FGD6: variants seen among roughly 807,000 people sequenced by gnomAD.
FGD6 encodes the protein FYVE, RhoGEF and PH domain containing 6.
In FGD6, 90 loss-of-function variants were observed where a neutral mutation model predicts 149.4. That is an observed-to-expected ratio of 0.60 (90% CI 0.51 to 0.72). The LOEUF is 0.72. Among genes scored for constraint, FGD6 ranks in the 30% least tolerant of loss-of-function variants. FGD6 has a pLI of 0.00. For synonymous variants in FGD6, 527 were observed against 584.0 expected, an observed-to-expected ratio of 0.90 and a Z score of 1.41; for missense variants, 1,437 against 1,684.8, an observed-to-expected ratio of 0.85 and a Z score of 2.57.
intron 2 of FGD6, among the ~76,000 whole-genome samples, chr12:95,194,335 A>G (rs1291069695): frequency 6.6e-6 from 1 of 152,148 alleles, no homozygotes; most frequent in Non-Finnish European, 1.5e-5. Flanking sequence ...TCCCAGGTTC[A>G]AGCGATTCTC....
chr12:95,134,999 A>G (rs568046662), intron 7 of FGD6, among the ~76,000 whole-genome samples, 173 bp from the exon 8 acceptor site: 1 of 152,308 alleles, frequency 6.6e-6, no homozygotes, highest in Non-Finnish European at 1.5e-5. Context: ...AGTGAACCCC[A>G]GCCAGACTGA....
chr12:95,152,282 C>T lies in FGD6; in HGVS notation c.2685+529G>A, dbSNP rs569400462. Among the ~76,000 whole-genome samples, 6 of 152,108 alleles carry T rather than the reference C, an allele frequency of 3.9e-5. No homozygotes were observed. In the East Asian group the frequency reaches 5.8e-4, roughly 15 times the overall value. ...TTGAAAGGCTGCAGTGAGCTAAGATCGCACCACTGCACCCTAGCCTGGGCA... is the reference window on the plus strand; with the variant it reads ...TTGAAAGGCTGCAGTGAGCTAAGATTGCACCACTGCACCCTAGCCTGGGCA... On this transcript the variant is annotated intron_variant, in intron 5 of 20. Coordinates refer to ENST00000343958, the MANE Select transcript of FGD6 (RefSeq NM_018351.4).
At chr12:95,131,896 C>T (rs1879531964) in intron 8 of FGD6, among the ~76,000 whole-genome samples, 1 of 152,056 alleles carries the variant, frequency 6.6e-6, no homozygotes, top group African/African-American at 2.4e-5. Flanking sequence ...AAAAATTAGC[C>T]AGGTATGGTG....
intron 5 of FGD6, among the ~76,000 whole-genome samples, chr12:95,144,223 A>G (rs1879941254): frequency 6.6e-6 from 1 of 152,202 alleles, no homozygotes; most frequent in Non-Finnish European, 1.5e-5. Context: ...TTTTCCCAGT[A>G]CTACTGGATG....
At chr12:95,180,466 T>A (rs1565917355) in intron 2 of FGD6, among the ~76,000 whole-genome samples, 1 of 149,784 alleles carries the variant, frequency 6.7e-6, no homozygotes, top group Non-Finnish European at 1.5e-5. Flanking sequence ...TGATCACAGC[T>A]CACCGTAACT....
intron 7 of FGD6, among the ~76,000 whole-genome samples, chr12:95,136,243 A>T (rs1264048065): frequency 1.3e-5 from 2 of 152,070 alleles, no homozygotes; most frequent in African/African-American, 4.8e-5. Flanking sequence ...CTGAAATCCC[A>T]GCTACTCGGG....
At chr12:95,196,793 C>A (rs1293173821) in intron 2 of FGD6, among the ~76,000 whole-genome samples, 1 of 151,768 alleles carries the variant, frequency 6.6e-6, no homozygotes, top group Non-Finnish European at 1.5e-5. Flanking sequence ...GTACATGCCA[C>A]CATGCCTGGC....
chr12:95,108,938 G>A (rs1878722397), intron 9 of FGD6, among the ~76,000 whole-genome samples: 1 of 152,194 alleles, frequency 6.6e-6, no homozygotes, highest in African/African-American at 2.4e-5. Flanking sequence ...ATAAGGACCA[G>A]CCCAGTATAA....
Position 95,172,646 on chromosome 12 carries a change from C to T in FGD6, c.2540G>A (p.Ser847Asn), listed in dbSNP as rs766398683. Residue 847 changes from serine (S) to asparagine (N), a missense_variant, in exon 3 of 21, where the codon AGC (serine) becomes AAC (asparagine). Coordinates refer to ENST00000343958, the MANE Select transcript of FGD6 (RefSeq NM_018351.4). ...AGGCTCTCCTTTACTTGACTCAGAG[C>T]TGACATCATCTTCATCAGAACTGTT... ...IINSSDEDDV[S>N]SESSKGEPDP... 6.8e-6 allele frequency: 11 copies of T among 1,613,182 alleles called. No homozygotes were observed. The highest frequency in any genetic ancestry group is 1.3e-5 in the African/African-American group (1 of 74,910).
rs747773796 is a variant in FGD6 at position 95,094,679 on chromosome 12, C to T, written c.3513G>A (p.Arg1171=). 1.9e-6 allele frequency: 3 copies of T among 1,613,254 alleles called. No individual in the cohort carries two copies. In the African/African-American group the frequency reaches 4.0e-5, roughly 22 times the overall value. Reference sequence around the variant, plus strand: ...TGGAAATCGCTTCTAGCCATTCATCCCTTTCTGTGGCAGAACTGTTGGGGG... The same window carrying T: ...TGGAAATCGCTTCTAGCCATTCATCTCTTTCTGTGGCAGAACTGTTGGGGG... ...FILSASSATE[R]DEWLEAISRA... is the part of the protein sequence containing the mutation. The change falls in exon 15 of 21, where the codon AGG becomes AGA. Residue 1171 remains arginine, a synonymous_variant. Transcript: ENST00000343958.
rs764936530 is a variant in FGD6 at position 95,107,610 on chromosome 12, G to C, written c.3286C>G (p.Leu1096Val). Residue 1096 changes from leucine (L) to valine (V), a missense_variant, in exon 12 of 21, where the codon CTG becomes GTG. Leu to Val is a conservative substitution (Grantham distance 32). Around this residue, in one of 2 missense-constraint regions of FGD6, gnomAD observed 382 missense variants for 538.7 expected, o/e 0.71. Coordinates refer to ENST00000343958, the MANE Select transcript of FGD6 (RefSeq NM_018351.4). Reference sequence around the variant, plus strand: ...ATCACTTTCCGAGACAGCTTCATCAGAATTCCTTCTTTGAGAAAAACCTGA... The same window carrying C: ...ATCACTTTCCGAGACAGCTTCATCACAATTCCTTCTTTGAGAAAAACCTGA... The part of the protein sequence containing the change: ...PGRVFLKEGI[L>V]MKLSRKVMQP... The C allele has an allele frequency of 1.5e-5, 24 of 1,613,910 alleles. No homozygotes were observed. In the East Asian group the frequency reaches 4.2e-4, roughly 28 times the overall value.
At chr12:95,179,437 C>T (rs901734425) in intron 2 of FGD6, among the ~76,000 whole-genome samples, 14 of 151,920 alleles carry the variant, frequency 9.2e-5, no homozygotes, top group Non-Finnish European at 1.5e-4. Context: ...CCCAAGAGGT[C>T]GAGGCTGCCT....
intron 5 of FGD6, among the ~76,000 whole-genome samples, chr12:95,152,001 T>C (rs534142253): frequency 6.6e-6 from 1 of 152,150 alleles, no homozygotes; most frequent in East Asian, 1.9e-4. Flanking sequence ...CTGACACATA[T>C]CATAATTCTT....
chr12:95,196,051 C>T (rs1038498474), intron 2 of FGD6, among the ~76,000 whole-genome samples: 12 of 151,996 alleles, frequency 7.9e-5, no homozygotes, highest in Admixed American at 2.0e-4. Context: ...AACCGGGAGG[C>T]GGAGGTTGCA....
rs1389927734 is a variant in FGD6 at position 95,077,376 on chromosome 12, G to A, written c.*4144C>T. 9.8e-5 allele frequency: 15 copies of A among 152,388 alleles called. No homozygotes were observed. Among genetic ancestry groups the A allele is most frequent in the Admixed American group, 9.2e-4 (14 of 15,278 alleles). The allele number at this position is 152,388 out of a possible 1,614,324, so 9.4% of individuals were successfully genotyped here. On this transcript the variant is annotated 3_prime_UTR_variant, in exon 21 of 21. Transcript: ENST00000343958. The stretch of plus-strand genomic sequence containing the variant: ...GACAGGATCTAGTCTGGAGGAATAG[G>A]GGAGAGAAAGACTAAGGGTCAGCTA...
chr12:95,114,696 C>T (rs1183095064), intron 8 of FGD6, among the ~76,000 whole-genome samples: 1 of 152,052 alleles, frequency 6.6e-6, no homozygotes, highest in Admixed American at 6.6e-5. Flanking sequence ...ATCTTTAACA[C>T]CAAGGTAAGT....
intron 3 of FGD6, among the ~76,000 whole-genome samples, chr12:95,172,043 G>GC (rs1565915268): frequency 2.9e-5 from 4 of 139,468 alleles, no homozygotes; most frequent in Admixed American, 7.7e-5. Flanking sequence ...TAAGGGGGGG[G>GC]GGGTTGTTAT....
chr12:95,153,443 C>A (rs1880368031), intron 3 of FGD6, among the ~76,000 whole-genome samples: 1 of 152,164 alleles, frequency 6.6e-6, no homozygotes, highest in South Asian at 2.1e-4. Flanking sequence ...GGGTGGATCA[C>A]CTGAGGTTGG....
chr12:95,157,668 A>C (rs779282126), intron 3 of FGD6, among the ~76,000 whole-genome samples: 7 of 152,146 alleles, frequency 4.6e-5, no homozygotes, highest in Non-Finnish European at 7.3e-5. Context: ...ATGGATTACT[A>C]ATTCAGAGTC....
Sources: allele counts gnomAD v4.1 joint callset (sites outside exome capture counted in the v4.1 genomes callset), GRCh38; gene constraint gnomAD v4.1.1; regional missense constraint gnomAD v4.1.1; transcripts MANE v1.5; gene names NCBI Gene and HGNC (gene_info 2026-07-23, HGNC 2026-07-21).